Variants in NSMCE2 observed in about 807,000 individuals in gnomAD.
NSMCE2 encodes the protein E3 SUMO-protein ligase NSE2.
In NSMCE2, 24 loss-of-function variants were observed where a neutral mutation model predicts 23.8. The ratio of observed to expected loss-of-function variants is 1.01; its 90% CI spans 0.73 to 1.42. NSMCE2 has a LOEUF of 1.42. Ranked by LOEUF, NSMCE2 falls within the 40% of genes most tolerant of loss-of-function variation. The pLI, the probability that NSMCE2 is intolerant of heterozygous loss-of-function variation, is 0.00. For synonymous variants in NSMCE2, 92 were observed against 94.1 expected (o/e 0.98, Z 0.13); for missense variants, 284 against 296.5 (o/e 0.96, Z 0.31).
At chr8:125,105,952 A>G (rs1171081112) in intron 3 of NSMCE2, among the ~76,000 whole-genome samples, 1 of 152,190 alleles carries the variant, frequency 6.6e-6, no homozygotes, top group East Asian at 1.9e-4. Context: ...TGGGAAAAAA[A>G]GTGAACTAAA....
At chr8:125,126,499 G>T (rs1360425032) in intron 3 of NSMCE2, among the ~76,000 whole-genome samples, 1 of 152,140 alleles carries the variant, frequency 6.6e-6, no homozygotes, top group Non-Finnish European at 1.5e-5. Context: ...TTCAGGTTGG[G>T]CCTTTCCAAG....
At chr8:125,236,833 A>G (rs1426307797) in intron 5 of NSMCE2, among the ~76,000 whole-genome samples, 1 of 141,444 alleles carries the variant, frequency 7.1e-6, no homozygotes, top group African/African-American at 2.6e-5. Flanking sequence ...TTTTTTTCTG[A>G]TCTTGCTCCT....
intron 5 of NSMCE2, among the ~76,000 whole-genome samples, chr8:125,257,255 A>T (rs1826473375): frequency 6.6e-6 from 1 of 151,554 alleles, no homozygotes; most frequent in Admixed American, 6.6e-5. Context: ...CTGCACTCCA[A>T]CCTAGGCGAC....
At chr8:125,277,499 T>A (rs1035931038) in intron 5 of NSMCE2, among the ~76,000 whole-genome samples, 1 of 151,820 alleles carries the variant, frequency 6.6e-6, no homozygotes, top group African/African-American at 2.4e-5. Flanking sequence ...ATTTGTCATC[T>A]TCTTCTTCTT....
At chr8:125,249,444 G>A (rs1248726486) in intron 5 of NSMCE2, among the ~76,000 whole-genome samples, 1 of 152,096 alleles carries the variant, frequency 6.6e-6, no homozygotes, top group Non-Finnish European at 1.5e-5. Context: ...ATGTTCATGG[G>A]GAGTGTTCGG....
chr8:125,278,160 A>T (rs1827549343), intron 5 of NSMCE2, among the ~76,000 whole-genome samples: 1 of 152,206 alleles, frequency 6.6e-6, no homozygotes, highest in Non-Finnish European at 1.5e-5. Context: ...GGAAGGAAGC[A>T]TGGGTATTTT....
intron 3 of NSMCE2, among the ~76,000 whole-genome samples, chr8:125,116,533 T>G (rs982377235): frequency 9.2e-5 from 14 of 152,188 alleles, no homozygotes; most frequent in Admixed American, 8.5e-4. Context: ...TTATGGATAG[T>G]TGCTTTTATA....
intron 5 of NSMCE2, among the ~76,000 whole-genome samples, chr8:125,256,607 C>T (rs1281310055): frequency 6.6e-6 from 1 of 152,028 alleles, no homozygotes; most frequent in East Asian, 1.9e-4. Context: ...GACAAGCTCA[C>T]CCAGGGGAAG....
chr8:125,143,591 C>A (rs1352280474), intron 3 of NSMCE2, among the ~76,000 whole-genome samples: 1 of 152,122 alleles, frequency 6.6e-6, no homozygotes, highest in Non-Finnish European at 1.5e-5. Flanking sequence ...TAATAAAATG[C>A]GTGGAGTTGA....
At chr8:125,149,983 C>T (rs904528141) in intron 3 of NSMCE2, among the ~76,000 whole-genome samples, 2 of 152,102 alleles carry the variant, frequency 1.3e-5, no homozygotes, top group African/African-American at 4.8e-5. Context: ...TTGCTTCTGC[C>T]AGACACCTGT....
At chr8:125,196,222 C>G (rs899813830) in intron 5 of NSMCE2, among the ~76,000 whole-genome samples, 1 of 139,996 alleles carries the variant, frequency 7.1e-6, no homozygotes, top group East Asian at 2.1e-4. Context: ...TTTTTTTATA[C>G]TTTAAGTTCT....
chr8:125,303,599 G>C (rs1345639885), intron 5 of NSMCE2, among the ~76,000 whole-genome samples: 1 of 152,160 alleles, frequency 6.6e-6, no homozygotes, highest in Non-Finnish European at 1.5e-5. Flanking sequence ...TTAGGAAAAG[G>C]AGGTAATTTA....
chr8:125,286,311 A>ATTT lies in NSMCE2; in HGVS notation c.419-70907_419-70905dup, dbSNP rs369845619. Reference sequence around the variant, plus strand: ...TCAGAGACTCCAAACAATACCTTTTATTTATTTTTTTTTTTTTTTGAGATG... The same window carrying ATTT: ...TCAGAGACTCCAAACAATACCTTTTATTTTTTATTTTTTTTTTTTTTTGAGATG... On this transcript the variant is annotated intron_variant, in intron 5 of 7. Transcript: ENST00000287437. 5.9e-4 allele frequency among the ~76,000 whole-genome samples: 58 copies of ATTT among 98,980 alleles called. 2 individuals are homozygous for ATTT. The highest frequency in any genetic ancestry group is 1.5e-3 in the African/African-American group (50 of 33,886). 64.9% of individuals were successfully genotyped at this position (98,980 alleles called of 152,430 possible).
chr8:125,111,785 G>C (rs1375360087), intron 3 of NSMCE2, among the ~76,000 whole-genome samples: 2 of 152,186 alleles, frequency 1.3e-5, no homozygotes, highest in African/African-American at 4.8e-5. Flanking sequence ...AGGCAGTAGA[G>C]TGAGACCGTG....
chr8:125,154,940 T>C (rs1247322783), intron 4 of NSMCE2, among the ~76,000 whole-genome samples: 1 of 152,226 alleles, frequency 6.6e-6, no homozygotes, highest in Admixed American at 6.5e-5. Context: ...TGGCTTTTTG[T>C]TTTTCAGTTT....
At chr8:125,112,586 G>T (rs1818816764) in intron 3 of NSMCE2, among the ~76,000 whole-genome samples, 1 of 152,140 alleles carries the variant, frequency 6.6e-6, no homozygotes. Context: ...ACTGTCATTT[G>T]CAACAACATG....
intron 5 of NSMCE2, among the ~76,000 whole-genome samples, chr8:125,246,907 G>A (rs931286983): frequency 6.6e-6 from 1 of 151,616 alleles, no homozygotes; most frequent in Non-Finnish European, 1.5e-5. Flanking sequence ...TTTTTCTCTT[G>A]TGTGGTTAAA....
intron 3 of NSMCE2, among the ~76,000 whole-genome samples, chr8:125,122,173 A>T (rs1321048357): frequency 0.29 from 27,985 of 98,006 alleles, 3,595 homozygotes; most frequent in African/African-American, 0.53. Flanking sequence ...TGGCTGAGCC[A>T]AAAAAAAAAA....
chr8:125,358,281 C>T (rs567775932), intron 7 of NSMCE2, among the ~76,000 whole-genome samples: 17 of 150,948 alleles, frequency 1.1e-4, no homozygotes, highest in Admixed American at 2.6e-4. Flanking sequence ...TGCAGTGAGC[C>T]GAGATTGTGC....
Sources: allele counts gnomAD v4.1 joint callset (sites outside exome capture counted in the v4.1 genomes callset), GRCh38; gene constraint gnomAD v4.1.1; transcripts MANE v1.5; gene names NCBI Gene and HGNC (gene_info 2026-07-23, HGNC 2026-07-21).